Variants in NFIA observed in about 807,000 individuals in gnomAD.
The protein encoded by NFIA is nuclear factor I A.
In NFIA, 8 loss-of-function variants were observed where a neutral mutation model predicts 62.8. The observed-to-expected ratio is 0.13, with a 90% CI of 0.07 to 0.23. NFIA has a LOEUF of 0.23. Among genes scored for constraint, NFIA ranks in the 10% least tolerant of loss-of-function variants. The pLI is 1.00. For missense variants in NFIA, 410 were observed against 642.1 expected (o/e 0.64, Z 3.91); for synonymous variants, 235 against 238.1 (o/e 0.99, Z 0.12).
chr1:61,166,464 C>T (rs1277851380), intron 2 of NFIA, among the ~76,000 whole-genome samples: 1 of 152,120 alleles, frequency 6.6e-6, no homozygotes, highest in African/African-American at 2.4e-5. Flanking sequence ...CACTGGCCAA[C>T]TGAGAAGAAA....
intron 2 of NFIA, among the ~76,000 whole-genome samples, chr1:61,182,393 A>G (rs1440408385): frequency 6.6e-6 from 1 of 152,264 alleles, no homozygotes; most frequent in Non-Finnish European, 1.5e-5. Flanking sequence ...TAAGAGTTAG[A>G]TTAGACAAAA....
At position 61,082,778 on chromosome 1, in the gene NFIA, A is replaced by C; in HGVS notation, c.-14A>C. On this transcript the variant is annotated 5_prime_UTR_variant, in exon 1 of 11. Transcript: ENST00000403491. The stretch of plus-strand genomic sequence containing the variant: ...ACACCCAGACGCACACGCATACCCC[A>C]GCGCCCGGCAGTTATGTATTCTCCG... The C allele has an allele frequency of 6.5e-7, 1 of 1,545,740 alleles. No individual in the cohort carries two copies. The highest frequency in any genetic ancestry group is 8.7e-7 in the Non-Finnish European group (1 of 1,145,082).
chr1:61,335,614 G>A (rs374588685), intron 4 of NFIA, among the ~76,000 whole-genome samples: 11 of 152,134 alleles, frequency 7.2e-5, no homozygotes, highest in African/African-American at 2.4e-4. Context: ...AGGCCAAGGC[G>A]GGTGGATCAC....
At chr1:61,378,511 C>T (rs983285003) in intron 6 of NFIA, among the ~76,000 whole-genome samples, 6 of 152,160 alleles carry the variant, frequency 3.9e-5, no homozygotes, top group Admixed American at 1.3e-4. Flanking sequence ...TTAATACACA[C>T]ATGTCTAGCA....
intron 2 of NFIA, among the ~76,000 whole-genome samples, chr1:61,200,728 G>A (rs1652423120): frequency 6.6e-6 from 1 of 152,120 alleles, no homozygotes; most frequent in Non-Finnish European, 1.5e-5. Context: ...AATTAAATGT[G>A]TATTCATCCC....
chr1:61,110,538 A>G (rs1053097025), intron 2 of NFIA, among the ~76,000 whole-genome samples: 3 of 152,086 alleles, frequency 2.0e-5, no homozygotes, highest in Non-Finnish European at 4.4e-5. Flanking sequence ...ATCTGAAGCT[A>G]TTTGAGTCAT....
At chr1:61,234,994 C>G (rs986547714) in intron 2 of NFIA, among the ~76,000 whole-genome samples, 1 of 152,164 alleles carries the variant, frequency 6.6e-6, no homozygotes, top group Non-Finnish European at 1.5e-5. Context: ...CCTGGTAGGT[C>G]CTGTCTTGAT....
intron 2 of NFIA, among the ~76,000 whole-genome samples, chr1:61,162,137 C>T (rs759383694): frequency 2.6e-5 from 4 of 151,894 alleles, no homozygotes; most frequent in African/African-American, 9.7e-5. Flanking sequence ...GAAAAGTATG[C>T]GAGTACTGGA....
At chr1:61,198,133 GAC>G (rs1652167774) in intron 2 of NFIA, among the ~76,000 whole-genome samples, 1 of 152,160 alleles carries the variant, frequency 6.6e-6, no homozygotes, top group African/African-American at 2.4e-5. Flanking sequence ...CCCATTTTAA[GAC>G]ATTTTCAGGC....
In NFIA at chr1:61,232,224, A is replaced by G. The variant is rs531329317; in HGVS notation, c.560-45296A>G. On this transcript the variant is annotated intron_variant, in intron 2 of 10. Transcript: ENST00000403491. The stretch of plus-strand genomic sequence containing the variant: ...ATTGAGTAGGTTATATCTGAATAAT[A>G]AAGCATGGCATTGGGTAGCCCTTCA... Among the ~76,000 whole-genome samples, 92 of 152,320 alleles carry G rather than the reference A, an allele frequency of 6.0e-4. 1 individual carries two copies. The South Asian group carries it at 0.018, about 30-fold the overall frequency.
At chr1:61,175,961 G>A (rs1055756093) in intron 2 of NFIA, among the ~76,000 whole-genome samples, 4 of 152,342 alleles carry the variant, frequency 2.6e-5, no homozygotes, top group Middle Eastern at 3.4e-3. Flanking sequence ...AGAGTGCCCC[G>A]GGCTATCTTT....
intron 2 of NFIA, among the ~76,000 whole-genome samples, chr1:61,114,960 A>G (rs1273308546): frequency 6.6e-6 from 1 of 152,040 alleles, no homozygotes; most frequent in Non-Finnish European, 1.5e-5. Context: ...ATATATATAT[A>G]TTTGTTGTTG....
At chr1:61,213,950 A>G (rs530187062) in intron 2 of NFIA, among the ~76,000 whole-genome samples, 3 of 152,294 alleles carry the variant, frequency 2.0e-5, no homozygotes, top group African/African-American at 7.2e-5. Flanking sequence ...AGCAGGGAAG[A>G]TACACTCCAG....
chr1:61,098,133 G>T (rs1282795588), intron 2 of NFIA, among the ~76,000 whole-genome samples: 4 of 152,190 alleles, frequency 2.6e-5, no homozygotes, highest in Non-Finnish European at 4.4e-5. Flanking sequence ...ACAGAGTTGT[G>T]CAGGCTCAGA....
At chr1:61,397,966 C>T (rs113045721) in intron 7 of NFIA, among the ~76,000 whole-genome samples, 2 of 152,316 alleles carry the variant, frequency 1.3e-5, no homozygotes, top group African/African-American at 4.8e-5. Context: ...TGGAAAGCTT[C>T]AGAAAGCTGA....
rs570607634 is a variant in NFIA at position 61,185,448 on chromosome 1, C to G, written c.560-92072C>G. On this transcript the variant is annotated intron_variant, in intron 2 of 10. Transcript: ENST00000403491. ...GTAATCCTGAGTATTCCCTCTTTTT[C>G]CATTCTTGTTCCTTCACACCATAGC... Among the ~76,000 whole-genome samples the G allele has an allele frequency of 1.8e-3, 276 of 152,218 alleles. 1 individual carries two copies. Among genetic ancestry groups the G allele is most frequent in the African/African-American group, 6.2e-3 (258 of 41,520 alleles).
At chr1:61,219,442 C>T (rs187732972) in intron 2 of NFIA, among the ~76,000 whole-genome samples, 19 of 151,854 alleles carry the variant, frequency 1.3e-4, no homozygotes, top group Admixed American at 7.9e-4. Context: ...AAGCCGGGTG[C>T]GGTGGCTCAC....
At chr1:61,176,168 C>G (rs958991470) in intron 2 of NFIA, among the ~76,000 whole-genome samples, 1 of 152,206 alleles carries the variant, frequency 6.6e-6, no homozygotes, top group African/African-American at 2.4e-5. Flanking sequence ...CTTAGGAAAG[C>G]CTGCAGCTAA....
chr1:61,084,944 G>A (rs1242010842), intron 1 of NFIA, among the ~76,000 whole-genome samples: 1 of 151,230 alleles, frequency 6.6e-6, no homozygotes, highest in East Asian at 1.9e-4. Flanking sequence ...TAAGAGAAAT[G>A]CTTATTTAGT....
Sources: allele counts gnomAD v4.1 joint callset (sites outside exome capture counted in the v4.1 genomes callset), GRCh38; gene constraint gnomAD v4.1.1; transcripts MANE v1.5; gene names NCBI Gene and HGNC (gene_info 2026-07-23, HGNC 2026-07-21).